Variants in GPR158 observed in about 807,000 individuals in gnomAD.
GPR158 encodes metabotropic glycine receptor.
A neutral mutation model predicts 78.2 loss-of-function variants in GPR158; 30 were observed. The ratio of observed to expected loss-of-function variants is 0.38; its 90% CI spans 0.29 to 0.52. The LOEUF is 0.52. Among genes scored for constraint, GPR158 ranks in the 20% least tolerant of loss-of-function variants. The pLI, the probability that GPR158 is intolerant of heterozygous loss-of-function variation, is 0.83. For synonymous variants in GPR158, 581 were observed against 591.1 expected (o/e 0.98, Z 0.25); for missense variants, 1,463 against 1,523.5 (o/e 0.96, Z 0.66).
At chr10:25,280,711 G>A (rs1016384273) in intron 2 of GPR158, among the ~76,000 whole-genome samples, 3 of 115,704 alleles carry the variant, frequency 2.6e-5, no homozygotes, top group Non-Finnish European at 5.5e-5. Context: ...CACATTTTAT[G>A]TATGTATGTA....
At chr10:25,218,797 T>A (rs1853254786) in intron 1 of GPR158, among the ~76,000 whole-genome samples, 1 of 152,164 alleles carries the variant, frequency 6.6e-6, no homozygotes, top group South Asian at 2.1e-4. Flanking sequence ...TTTAAAAAAA[T>A]TTTAAAATTT....
intron 2 of GPR158, among the ~76,000 whole-genome samples, chr10:25,372,210 A>G (rs1834005387): frequency 6.6e-6 from 1 of 151,932 alleles, no homozygotes; most frequent in Admixed American, 6.6e-5. Context: ...AGGAAACAAC[A>G]GGTGCTGGAG....
At chr10:25,372,321 C>T (rs1296912921) in intron 2 of GPR158, among the ~76,000 whole-genome samples, 1 of 151,774 alleles carries the variant, frequency 6.6e-6, no homozygotes, top group Non-Finnish European at 1.5e-5. Context: ...GGATCTAGAA[C>T]TAGAAATACC....
intron 2 of GPR158, among the ~76,000 whole-genome samples, chr10:25,305,118 A>G (rs2130453822): frequency 6.6e-6 from 1 of 152,262 alleles, no homozygotes; most frequent in East Asian, 1.9e-4. Context: ...TGCCTCTATG[A>G]CCCTATCTCC....
intron 5 of GPR158, among the ~76,000 whole-genome samples, chr10:25,543,062 GT>G (rs1836609435): frequency 6.6e-6 from 1 of 152,042 alleles, no homozygotes; most frequent in Admixed American, 6.6e-5. Context: ...AGATTTCTTT[GT>G]ACCTGAGAGG....
At chr10:25,328,666 C>T (rs1289055236) in intron 2 of GPR158, among the ~76,000 whole-genome samples, 2 of 152,072 alleles carry the variant, frequency 1.3e-5, no homozygotes, top group East Asian at 3.9e-4. Flanking sequence ...GTACCTCATG[C>T]CTGTAATCCC....
At position 25,546,862 on chromosome 10, in the gene GPR158, G is replaced by A. The variant is rs75948068; in HGVS notation, c.1405-4114G>A. On this transcript the variant is annotated intron_variant, in intron 5 of 10. Coordinates refer to ENST00000376351, the MANE Select transcript of GPR158 (RefSeq NM_020752.3). ...GGAGAAAGCCAGGTACAAGTGAGCCGGGGGTTGTGCAAGGAATATCTAGTC... is the reference window on the plus strand; with the variant it reads ...GGAGAAAGCCAGGTACAAGTGAGCCAGGGGTTGTGCAAGGAATATCTAGTC... Among the ~76,000 whole-genome samples the A allele has an allele frequency of 1.1e-3, 166 of 152,262 alleles. 1 individual carries two copies. In the East Asian group the frequency reaches 0.027, roughly 25 times the overall value.
intron 2 of GPR158, among the ~76,000 whole-genome samples, chr10:25,229,703 T>C (rs1291632011): frequency 6.6e-6 from 1 of 152,238 alleles, no homozygotes. Context: ...CTAGGAAACA[T>C]GTAACCAGAT....
intron 4 of GPR158, among the ~76,000 whole-genome samples, chr10:25,452,171 G>A (rs912832544): frequency 6.6e-6 from 1 of 151,504 alleles, no homozygotes; most frequent in Non-Finnish European, 1.5e-5. Flanking sequence ...CCTGGTAGCT[G>A]GGACAACAGA....
intron 4 of GPR158, among the ~76,000 whole-genome samples, chr10:25,460,169 A>C (rs143701835): frequency 7.0e-4 from 107 of 152,066 alleles, no homozygotes; most frequent in African/African-American, 2.3e-3. Flanking sequence ...ATATTTGCAT[A>C]TTATAATACC....
At chr10:25,426,080 C>T (rs34923962) in intron 4 of GPR158, among the ~76,000 whole-genome samples, 9,674 of 152,112 alleles carry the variant, frequency 0.064, 688 homozygotes, top group African/African-American at 0.18. Flanking sequence ...AGTTGTATGA[C>T]GCTAAGGTTG....
At chr10:25,241,281 T>TTTCCC (rs754663326) in intron 2 of GPR158, among the ~76,000 whole-genome samples, 12 of 56,940 alleles carry the variant, frequency 2.1e-4, no homozygotes, top group Non-Finnish European at 3.2e-4. Flanking sequence ...CCTTTCTTTC[T>TTTCCC]TTCTTTTCTT....
At chr10:25,314,533 T>C (rs1053126141) in intron 2 of GPR158, among the ~76,000 whole-genome samples, 4 of 152,108 alleles carry the variant, frequency 2.6e-5, no homozygotes, top group Non-Finnish European at 5.9e-5. Flanking sequence ...TTTTTTATTT[T>C]TTCAAGAAAT....
At chr10:25,424,050 C>G (rs1834787921) in intron 4 of GPR158, among the ~76,000 whole-genome samples, 2 of 152,174 alleles carry the variant, frequency 1.3e-5, no homozygotes, top group African/African-American at 4.8e-5. Context: ...CTTGTTGTTT[C>G]CTGACTTTTT....
At chr10:25,212,431 G>T (rs116036928) in intron 1 of GPR158, among the ~76,000 whole-genome samples, 1,553 of 152,098 alleles carry the variant, frequency 0.01, 28 homozygotes, top group African/African-American at 0.035. Flanking sequence ...TTCATGATCC[G>T]ATCACCCCCC....
At chr10:25,177,308 G>C (rs140317928) in intron 1 of GPR158, among the ~76,000 whole-genome samples, 4 of 152,270 alleles carry the variant, frequency 2.6e-5, no homozygotes, top group African/African-American at 7.2e-5. Context: ...GGAAGGAACT[G>C]AAAGAGTAGT....
intron 2 of GPR158, among the ~76,000 whole-genome samples, chr10:25,324,939 A>G (rs1855008985): frequency 2.0e-5 from 3 of 151,204 alleles, no homozygotes. Flanking sequence ...CCTGGGCTCA[A>G]GCAATCCTCC....
chr10:25,574,743 GACATGGTGGT>G (rs1449250744), intron 7 of GPR158, among the ~76,000 whole-genome samples: 1 of 152,112 alleles, frequency 6.6e-6, no homozygotes, highest in Non-Finnish European at 1.5e-5. Flanking sequence ...AAATTAGCCA[GACATGGTGGT>G]ACACTCCTAT....
At chr10:25,290,858 T>C (rs1854425117) in intron 2 of GPR158, among the ~76,000 whole-genome samples, 2 of 152,222 alleles carry the variant, frequency 1.3e-5, no homozygotes, top group South Asian at 4.1e-4. Context: ...CCAAATCAAA[T>C]GTACTCTATG....
Sources: gnomAD v4.1 joint callset for allele counts (sites outside exome capture counted in the v4.1 genomes callset) on GRCh38, gnomAD v4.1.1 for gene constraint, MANE v1.5 for transcripts, NCBI Gene and HGNC (gene_info 2026-07-23, HGNC 2026-07-21) for gene names.